Variants in TAOK3 observed in about 807,000 individuals in gnomAD.
The protein encoded by TAOK3 is TAO kinase 3.
In TAOK3, 40 loss-of-function variants were observed where a neutral mutation model predicts 120.4. The observed-to-expected ratio is 0.33, with a 90% CI of 0.26 to 0.43. The LOEUF (loss-of-function observed/expected upper bound fraction) is 0.43, where lower values mean the gene tolerates loss of function less well. TAOK3 is among the 20% of genes least tolerant of loss of function. TAOK3 has a pLI of 1.00. For missense variants in TAOK3, 821 were observed against 1,112.1 expected (o/e 0.74, Z 3.72); for synonymous variants, 355 against 387.5 (o/e 0.92, Z 0.99).
chr12:118,291,463 G>A (rs969743191), intron 1 of TAOK3, among the ~76,000 whole-genome samples: 2 of 151,908 alleles, frequency 1.3e-5, no homozygotes, highest in Non-Finnish European at 2.9e-5. Context: ...GCCCAGCGGG[G>A]TTTTTACTTT....
At chr12:118,184,028 G>A (rs1033071538) in intron 14 of TAOK3, among the ~76,000 whole-genome samples, 9 of 152,224 alleles carry the variant, frequency 5.9e-5, no homozygotes, top group Non-Finnish European at 8.8e-5. Flanking sequence ...CTTTCTACTT[G>A]TACCAGATCA....
Position 118,177,149 on chromosome 12 carries a change from G to C in TAOK3, c.1695+52C>G, listed in dbSNP as rs535400702. 2.5e-5 allele frequency: 40 copies of C among 1,584,750 alleles called. 1 individual carries two copies. The South Asian group carries it at 4.5e-4, about 18-fold the overall frequency. ...ACAATGCAAGATGAGTGAATGTTAA[G>C]TTCCAACCATTCTAATGGCAACTTG... is the stretch of plus-strand genomic sequence containing the variant. On this transcript the variant is annotated intron_variant, in intron 16 of 20. Transcript: ENST00000392533.
chr12:118,193,583 T>C (rs1374484188), intron 13 of TAOK3, among the ~76,000 whole-genome samples: 1 of 152,094 alleles, frequency 6.6e-6, no homozygotes, highest in Non-Finnish European at 1.5e-5. Context: ...GGTTCGTGGT[T>C]AGGCACTTGC....
At chr12:118,332,975 A>AAC (rs146893418) in intron 1 of TAOK3, among the ~76,000 whole-genome samples, 3,169 of 149,734 alleles carry the variant, frequency 0.021, 82 homozygotes, top group East Asian at 0.13. Context: ...CAACAGTTTC[A>AAC]ACACACACAC....
intron 1 of TAOK3, among the ~76,000 whole-genome samples, chr12:118,333,057 A>C (rs1452553860): frequency 1.3e-5 from 2 of 151,964 alleles, no homozygotes; most frequent in African/African-American, 2.4e-5. Flanking sequence ...TGAACACTCC[A>C]CTCTCAGCAA....
At chr12:118,151,193 C>T in intron 20 of TAOK3, 35 bp from the exon 21 acceptor site, 2 of 1,604,362 alleles carry the variant, frequency 1.2e-6, no homozygotes, top group Non-Finnish European at 1.7e-6. Context: ...TAATGGAAAG[C>T]ATCTCCTAAC....
chr12:118,202,773 CTTTTTTTTTTTT>C (rs58282262), intron 11 of TAOK3, among the ~76,000 whole-genome samples: 6 of 100,636 alleles, frequency 6.0e-5, no homozygotes, highest in African/African-American at 1.6e-4. Context: ...ATAGTCTATT[CTTTTTTTTTTTT>C]TTTTTTTTTT....
intron 19 of TAOK3, among the ~76,000 whole-genome samples, chr12:118,156,930 G>C (rs1488067224): frequency 6.6e-6 from 1 of 152,052 alleles, no homozygotes; most frequent in Non-Finnish European, 1.5e-5. Flanking sequence ...AGTAGAGACA[G>C]GGTTTTACCA....
chr12:118,341,794 C>T (rs2044631096), intron 1 of TAOK3, among the ~76,000 whole-genome samples: 1 of 152,166 alleles, frequency 6.6e-6, no homozygotes, highest in South Asian at 2.1e-4. Context: ...GAGGCCTAGG[C>T]AGGTGGACTG....
At chr12:118,185,776 G>A (rs937040923) in intron 14 of TAOK3, among the ~76,000 whole-genome samples, 1 of 152,118 alleles carries the variant, frequency 6.6e-6, no homozygotes, top group Admixed American at 6.5e-5. Flanking sequence ...TCATTCATTC[G>A]TTCATTCATT....
chr12:118,181,527 C>G lies in TAOK3; in HGVS notation c.1410G>C (p.Gln470His). Residue 470 changes from glutamine (Q) to histidine (H), a missense_variant, in exon 15 of 21, where the codon CAG becomes CAC. This residue lies in a region of TAOK3 where 354 missense variants were observed against 572.1 expected (regional missense o/e 0.62). Transcript: ENST00000392533. ...CCAGGGCGATCAGCTGCTTCTGGTG[C>G]TGGCGCCGCATCCGCTTATAACCTG... ...QMSGYKRMRRQHQKQLIALEN... is the reference protein window; with the variant it reads ...QMSGYKRMRRHHQKQLIALEN... 6.2e-7 allele frequency: 1 copy of G among 1,614,216 alleles called. No individual in the cohort carries two copies. Among genetic ancestry groups the G allele is most frequent in the South Asian group, 1.1e-5 (1 of 91,080 alleles).
In TAOK3 at chr12:118,163,448, T is replaced by TG. The variant is rs1555209282; in HGVS notation, c.1900-1422dup. ...TTAATACAGGGACATACTTTTTTTTTGGGGGGGGTGGGGGTAGAGATGGGG... is the reference window on the plus strand; with the variant it reads ...TTAATACAGGGACATACTTTTTTTTTGGGGGGGGGTGGGGGTAGAGATGGGG... On this transcript the variant is annotated intron_variant, in intron 17 of 20. Transcript: ENST00000392533. 6.2e-3 allele frequency among the ~76,000 whole-genome samples: 772 copies of TG among 123,882 alleles called. 3 individuals carry two copies. The highest frequency in any genetic ancestry group is 0.012 in the Admixed American group (137 of 11,748). 81.3% of individuals were successfully genotyped at this position (123,882 alleles called of 152,430 possible).
chr12:118,340,701 T>C (rs917372095), intron 1 of TAOK3, among the ~76,000 whole-genome samples: 1 of 151,972 alleles, frequency 6.6e-6, no homozygotes, highest in African/African-American at 2.4e-5. Context: ...CAGCACTCCG[T>C]TATTTTGAAA....
Position 118,151,039 on chromosome 12 carries a change from C to T in TAOK3, c.2655G>A (p.Gly885=), listed in dbSNP as rs774622580. The part of the protein sequence containing the change: ...FDMESLRMGF[G]NLVTLDFPKE... ...TAGGAAAATCTAATGTAACCAAATTCCCAAATCCCATTCTGAGGCTCTCCA... is the reference window on the plus strand; with the variant it reads ...TAGGAAAATCTAATGTAACCAAATTTCCAAATCCCATTCTGAGGCTCTCCA... Residue 885 remains glycine (G), a synonymous_variant, in exon 21 of 21, where the codon GGG becomes GGA. Transcript: ENST00000392533. 1.9e-6 allele frequency: 3 copies of T among 1,607,804 alleles called. No homozygotes were observed. Among genetic ancestry groups the T allele is most frequent in the Non-Finnish European group, 2.5e-6 (3 of 1,178,780 alleles).
At chr12:118,330,035 TG>T (rs1566126796) in intron 1 of TAOK3, among the ~76,000 whole-genome samples, 1 of 152,208 alleles carries the variant, frequency 6.6e-6, no homozygotes, top group African/African-American at 2.4e-5. Context: ...TTCAATATTT[TG>T]GAGGAAAAAT....
At chr12:118,293,474 C>T (rs1168085885) in intron 1 of TAOK3, among the ~76,000 whole-genome samples, 2 of 149,558 alleles carry the variant, frequency 1.3e-5, no homozygotes, top group Admixed American at 6.7e-5. Flanking sequence ...GTCAGGAGTT[C>T]GAGACCAGCC....
intron 1 of TAOK3, among the ~76,000 whole-genome samples, chr12:118,368,490 G>T (rs538925899): frequency 7.1e-6 from 1 of 140,858 alleles, no homozygotes; most frequent in African/African-American, 2.5e-5. Context: ...GAGCCACCGC[G>T]CCCGGCCTGG....
rs2041675054 is a variant in TAOK3, at chr12:118,270,925, C to T, written c.-193-4166G>A. Among the ~76,000 whole-genome samples the T allele has an allele frequency of 2.0e-5, 3 of 151,996 alleles. 1 individual carries two copies. The highest frequency in any genetic ancestry group is 2.0e-4 in the Admixed American group (3 of 15,250). On this transcript the variant is annotated intron_variant, in intron 1 of 20. Coordinates refer to ENST00000392533, the MANE Select transcript of TAOK3 (RefSeq NM_016281.4). ...ATCTTCTGACCTCGTGATCCGCCCG[C>T]CTCAGCCTCCCAAAGTGCTGGGATT...
At chr12:118,239,088 G>T in intron 6 of TAOK3, 139 bp downstream of exon 6, 1 of 641,668 alleles carries the variant, frequency 1.6e-6, no homozygotes, top group Non-Finnish European at 2.8e-6. Flanking sequence ...AAGAGAGGAA[G>T]TGTGCATGGC....
Sources: allele counts gnomAD v4.1 joint callset (sites outside exome capture counted in the v4.1 genomes callset), GRCh38; gene constraint gnomAD v4.1.1; regional missense constraint gnomAD v4.1.1; transcripts MANE v1.5; gene names NCBI Gene and HGNC (gene_info 2026-07-23, HGNC 2026-07-21).